GSAP: variants seen among roughly 807,000 people sequenced by gnomAD.
The protein encoded by GSAP is gamma-secretase activating protein.
A neutral mutation model predicts 131.7 loss-of-function variants in GSAP; 118 were observed. That is an observed-to-expected ratio of 0.90 (90% CI 0.77 to 1.04). The LOEUF (loss-of-function observed/expected upper bound fraction) is 1.04. Ranked by LOEUF, GSAP falls within the 50% of genes least tolerant of loss-of-function variation. The pLI, the probability that GSAP is intolerant of heterozygous loss-of-function variation, is 0.00. For synonymous variants in GSAP, 381 were observed against 363.4 expected, an observed-to-expected ratio of 1.05 and a Z score of -0.55; for missense variants, 1,019 against 1,013.2, an observed-to-expected ratio of 1.01 and a Z score of -0.08.
intron 19 of GSAP, among the ~76,000 whole-genome samples, chr7:77,337,729 T>TA (rs1398643288): frequency 2.0e-5 from 3 of 152,226 alleles, no homozygotes; most frequent in Non-Finnish European, 2.9e-5. Context: ...AAGACTGTGG[T>TA]AAAAATATCC....
chr7:77,368,233 G>C (rs1795597345), intron 12 of GSAP, among the ~76,000 whole-genome samples: 1 of 152,102 alleles, frequency 6.6e-6, no homozygotes, highest in South Asian at 2.1e-4. Context: ...GGGTTAAGTT[G>C]TTTCCTGGAT....
At chr7:77,328,373 C>T (rs1477920478) in intron 22 of GSAP, 1 of 1,276,308 alleles carries the variant, frequency 7.8e-7, no homozygotes, top group African/African-American at 1.5e-5. Context: ...AAGGCCATCA[C>T]CCAGGGACTC....
At chr7:77,314,133 G>A (rs910325366) in intron 27 of GSAP, among the ~76,000 whole-genome samples, 1 of 152,214 alleles carries the variant, frequency 6.6e-6, no homozygotes, top group African/African-American at 2.4e-5. Flanking sequence ...ACAGGGAATG[G>A]ATTGTGCTCA....
intron 19 of GSAP, among the ~76,000 whole-genome samples, chr7:77,334,510 C>T (rs1442525256): frequency 6.8e-6 from 1 of 147,016 alleles, no homozygotes; most frequent in Admixed American, 7.0e-5. Flanking sequence ...GTGCAGCAAA[C>T]CACCATGGCA....
chr7:77,356,079 C>T (rs1162196223), intron 14 of GSAP, among the ~76,000 whole-genome samples: 1 of 151,938 alleles, frequency 6.6e-6, no homozygotes, highest in East Asian at 1.9e-4. Flanking sequence ...GGCATGTTGC[C>T]CAGGCTGGTC....
chr7:77,409,183 T>C (rs993366754), intron 1 of GSAP, among the ~76,000 whole-genome samples: 2 of 152,094 alleles, frequency 1.3e-5, no homozygotes, highest in Non-Finnish European at 2.9e-5. Context: ...GACTAGGATT[T>C]AAATAATCAG....
chr7:77,364,744 A>G (rs1795028410), intron 12 of GSAP, among the ~76,000 whole-genome samples: 1 of 152,232 alleles, frequency 6.6e-6, no homozygotes, highest in Admixed American at 6.5e-5. Flanking sequence ...AGAACTTATA[A>G]GCAAATATTT....
At chr7:77,331,473 A>G (rs182809054) in intron 19 of GSAP, among the ~76,000 whole-genome samples, 3 of 152,344 alleles carry the variant, frequency 2.0e-5, no homozygotes. Context: ...TAAGTGAACT[A>G]TTGCCTGCCA....
rs533755073 is a variant in GSAP at position 77,377,237 on chromosome 7, T to TAAAAAAAAAAAA, written c.681+37_681+48dup. The stretch of plus-strand genomic sequence containing the variant: ...GTCTCTAAAAAAATTAATATTTTTG[T>TAAAAAAAAAAAA]AAAAAAAAAAAAAAAAAAAAAGGAG... On this transcript the variant is annotated intron_variant, in intron 9 of 30. Coordinates refer to ENST00000257626, the MANE Select transcript of GSAP (RefSeq NM_017439.4). The TAAAAAAAAAAAA allele has an allele frequency of 6.8e-4, 606 of 893,998 alleles. 21 individuals carry two copies. Among genetic ancestry groups the TAAAAAAAAAAAA allele is most frequent in the African/African-American group, 2.4e-3 (91 of 38,492 alleles). The allele number at this position is 893,998 out of a possible 1,614,324, so 55.4% of individuals were successfully genotyped here.
chr7:77,362,695 G>T, intron 12 of GSAP, 35 bp from the exon 13 acceptor site: 4 of 1,200,210 alleles, frequency 3.3e-6, no homozygotes, highest in Non-Finnish European at 3.7e-6. Context: ...GAGTTTAACA[G>T]AATCTATGTC....
chr7:77,350,471 C>T (rs141537398), intron 18 of GSAP, among the ~76,000 whole-genome samples: 16,725 of 150,786 alleles, frequency 0.11, 1,275 homozygotes, highest in Non-Finnish European at 0.15. Flanking sequence ...TGCAGTGGCT[C>T]GCGCCTGTAA....
chr7:77,346,270 CA>C (rs1223497863), intron 19 of GSAP, among the ~76,000 whole-genome samples: 74 of 40,902 alleles, frequency 1.8e-3, no homozygotes, highest in South Asian at 5.9e-3. Context: ...GACTCCATCT[CA>C]AAAAAAAAAA....
chr7:77,385,493 A>G (rs1298313166), intron 6 of GSAP, among the ~76,000 whole-genome samples: 2 of 152,090 alleles, frequency 1.3e-5, no homozygotes, highest in Non-Finnish European at 2.9e-5. Flanking sequence ...CCCTTTAGTT[A>G]CCCCAATCCT....
intron 19 of GSAP, among the ~76,000 whole-genome samples, chr7:77,334,911 C>T (rs1423975582): frequency 6.6e-6 from 1 of 151,688 alleles, no homozygotes; most frequent in Non-Finnish European, 1.5e-5. Flanking sequence ...AGTGAAACCC[C>T]GTCTCTACTA....
At chr7:77,314,702 A>G in intron 26 of GSAP, 3 of 476,056 alleles carry the variant, frequency 6.3e-6, no homozygotes, top group Non-Finnish European at 1.1e-5. Flanking sequence ...GTAAGTATAC[A>G]TTCCTTGCTC....
chr7:77,380,872 G>A (rs899316802), intron 8 of GSAP, among the ~76,000 whole-genome samples: 3 of 152,070 alleles, frequency 2.0e-5, no homozygotes, highest in African/African-American at 7.2e-5. Flanking sequence ...TAACCAATTA[G>A]TTATATCTCT....
At chr7:77,408,098 G>C (rs1802616231) in intron 1 of GSAP, among the ~76,000 whole-genome samples, 1 of 152,178 alleles carries the variant, frequency 6.6e-6, no homozygotes, top group Non-Finnish European at 1.5e-5. Flanking sequence ...GACTTCTGAG[G>C]TTCCATTAAT....
intron 18 of GSAP, chr7:77,351,149 T>A (rs1161921914): frequency 1.0e-6 from 1 of 979,696 alleles, no homozygotes; most frequent in Non-Finnish European, 1.2e-6. Flanking sequence ...TGCAAACAAC[T>A]AAGTTCTTCA....
At chr7:77,317,684 C>A (rs1321049479) in intron 26 of GSAP, among the ~76,000 whole-genome samples, 1 of 152,122 alleles carries the variant, frequency 6.6e-6, no homozygotes, top group African/African-American at 2.4e-5. Context: ...TTTATGATCT[C>A]CAGGCGTAAC....
Sources: allele counts gnomAD v4.1 joint callset (sites outside exome capture counted in the v4.1 genomes callset), GRCh38; gene constraint gnomAD v4.1.1; transcripts MANE v1.5; gene names NCBI Gene and HGNC (gene_info 2026-07-23, HGNC 2026-07-21).